SYNE1: variants seen among roughly 807,000 people sequenced by gnomAD.
The protein encoded by SYNE1 is spectrin repeat containing nuclear envelope protein 1.
SYNE1 carries 616 observed loss-of-function variants against 1,111.0 expected under a neutral mutation model. The ratio of observed to expected loss-of-function variants is 0.55; its 90% confidence interval spans 0.52 to 0.59. The LOEUF is 0.59. Among genes scored for constraint, SYNE1 ranks in the 20% least tolerant of loss-of-function variants. The pLI is 0.00. For synonymous variants in SYNE1, 3,855 were observed against 3,825.8 expected (o/e 1.01, Z -0.28); for missense variants, 10,006 against 10,417.0 (o/e 0.96, Z 1.72).
chr6:152,531,635 T>C (rs897282975), intron 4 of SYNE1, among the ~76,000 whole-genome samples: 5 of 152,234 alleles, frequency 3.3e-5, no homozygotes, highest in African/African-American at 1.2e-4. Flanking sequence ...TCTGTACCCA[T>C]TAAACAACAA....
chr6:152,586,752 G>A (rs1035940947), intron 3 of SYNE1, among the ~76,000 whole-genome samples: 2 of 151,578 alleles, frequency 1.3e-5, no homozygotes, highest in Non-Finnish European at 2.9e-5. Context: ...CATTTGGATG[G>A]GTACAGAGTT....
At chr6:152,196,117 G>C (rs1377601359) in intron 127 of SYNE1, among the ~76,000 whole-genome samples, 1 of 152,094 alleles carries the variant, frequency 6.6e-6, no homozygotes, top group Admixed American at 6.5e-5. Flanking sequence ...AGGCCCAAGG[G>C]CTCTTCAACT....
chr6:152,241,683 G>A (rs2085751092), intron 107 of SYNE1, among the ~76,000 whole-genome samples: 1 of 152,072 alleles, frequency 6.6e-6, no homozygotes, highest in African/African-American at 2.4e-5. Context: ...GCAACTAGAG[G>A]AGCATATGTG....
At chr6:152,428,536 T>C (rs368757837) in intron 36 of SYNE1, 144 bp from the exon 37 acceptor site, 7 of 775,770 alleles carry the variant, frequency 9.0e-6, no homozygotes, top group African/African-American at 8.5e-5. Context: ...ATATACAGTT[T>C]GATAGAAGAA....
At chr6:152,159,266 T>G (rs1277023672) in intron 131 of SYNE1, among the ~76,000 whole-genome samples, 1 of 152,192 alleles carries the variant, frequency 6.6e-6, no homozygotes, top group Non-Finnish European at 1.5e-5. Flanking sequence ...CTTAGTAATT[T>G]GTATAATCAC....
At chr6:152,358,140 C>T (rs901788087) in intron 66 of SYNE1, among the ~76,000 whole-genome samples, 1 of 152,182 alleles carries the variant, frequency 6.6e-6, no homozygotes, top group African/African-American at 2.4e-5. Flanking sequence ...CTAGCAGCTC[C>T]ATGAATCCCC....
intron 103 of SYNE1, 94 bp from the exon 104 acceptor site, chr6:152,255,183 C>T: frequency 9.1e-7 from 1 of 1,096,018 alleles, no homozygotes; most frequent in East Asian, 2.6e-5. Context: ...CTAGATCTCT[C>T]TGGCTGCTTA....
At chr6:152,291,941 T>G (rs921129443) in intron 95 of SYNE1, among the ~76,000 whole-genome samples, 1 of 152,156 alleles carries the variant, frequency 6.6e-6, no homozygotes, top group African/African-American at 2.4e-5. Flanking sequence ...GCCATCGAGG[T>G]TGGCCTGAGG....
chr6:152,380,765 T>C (rs2097398081), intron 56 of SYNE1, among the ~76,000 whole-genome samples: 1 of 152,164 alleles, frequency 6.6e-6, no homozygotes, highest in African/African-American at 2.4e-5. Flanking sequence ...GAAAGTAAAA[T>C]GTCTCCACTA....
intron 16 of SYNE1, among the ~76,000 whole-genome samples, chr6:152,469,661 T>C (rs2098793972): frequency 6.6e-6 from 1 of 152,228 alleles, no homozygotes; most frequent in African/African-American, 2.4e-5. Flanking sequence ...TTTGGTCTGT[T>C]AAGTTAAAAA....
intron 4 of SYNE1, among the ~76,000 whole-genome samples, chr6:152,534,442 C>A (rs2099223773): frequency 1.3e-5 from 2 of 151,800 alleles, no homozygotes; most frequent in Non-Finnish European, 2.9e-5. Context: ...TTAGGGTTGA[C>A]AAATTAAATT....
At chr6:152,267,397 C>G (rs1050504920) in intron 100 of SYNE1, among the ~76,000 whole-genome samples, 2 of 152,068 alleles carry the variant, frequency 1.3e-5, no homozygotes, top group African/African-American at 2.4e-5. Flanking sequence ...CTGTGATGAC[C>G]TTAGTGGATT....
intron 100 of SYNE1, among the ~76,000 whole-genome samples, chr6:152,263,014 C>T (rs149717058): frequency 7.1e-6 from 1 of 140,066 alleles, no homozygotes; most frequent in Non-Finnish European, 1.5e-5. Flanking sequence ...GTACAGGACA[C>T]GGAAAGATAG....
At chr6:152,163,941 C>A (rs1011534274) in intron 131 of SYNE1, among the ~76,000 whole-genome samples, 2 of 152,144 alleles carry the variant, frequency 1.3e-5, no homozygotes, top group African/African-American at 4.8e-5. Context: ...ATGACACTAA[C>A]TGTACAATGG....
At position 152,376,860 on chromosome 6, in the gene SYNE1, G is replaced by A; in HGVS notation, c.9062C>T (p.Ser3021Phe). 6.2e-7 allele frequency: 1 copy of A among 1,614,094 alleles called. No homozygotes were observed. Among genetic ancestry groups the A allele is most frequent in the South Asian group, 1.1e-5 (1 of 91,080 alleles). Residue 3021 changes from serine (S) to phenylalanine (F), a missense_variant, in exon 57 of 146, where the codon TCT becomes TTT. By Grantham distance (155) the Ser-to-Phe change is radical. Transcript: ENST00000367255. ...KAEPRTEDLK[S>F]QLNELCRFSR... Reference sequence around the variant, plus strand: ...AAATCGACAAAGTTCATTCAGCTGAGACTTGAGATCCTCTGTTCTAGGCTC... The same window carrying A: ...AAATCGACAAAGTTCATTCAGCTGAAACTTGAGATCCTCTGTTCTAGGCTC...
intron 108 of SYNE1, among the ~76,000 whole-genome samples, chr6:152,237,452 G>A (rs553590480): frequency 6.6e-6 from 1 of 151,500 alleles, no homozygotes; most frequent in African/African-American, 2.4e-5. Flanking sequence ...TGGGACCACA[G>A]GCGCATTCCA....
intron 131 of SYNE1, 85 bp downstream of exon 131, chr6:152,164,078 C>T: frequency 6.4e-7 from 1 of 1,573,100 alleles, no homozygotes. Flanking sequence ...CATCTCCAGG[C>T]ACCATCTCAT....
intron 100 of SYNE1, among the ~76,000 whole-genome samples, chr6:152,262,559 C>CACAGGACACAGGAGGGCGGT (rs1181202023): frequency 2.0e-5 from 3 of 152,058 alleles, no homozygotes; most frequent in Non-Finnish European, 4.4e-5. Flanking sequence ...CCAGAGAAAA[C>CACAGGACACAGGAGGGCGGT]ACAGGACACA....
At position 152,308,651 on chromosome 6, in the gene SYNE1, A is replaced by C. The variant is rs773110247; in HGVS notation, c.17203-19T>G. On this transcript the variant is annotated intron_variant, in intron 90 of 145. Transcript: ENST00000367255. Reference sequence around the variant, plus strand: ...CAGCTTCCTTTGAAAAAAAAAAAAAACAGAAAGATAGACAGTTTTTTTTCT... The same window carrying C: ...CAGCTTCCTTTGAAAAAAAAAAAAACCAGAAAGATAGACAGTTTTTTTTCT... 5.4e-5 allele frequency: 86 copies of C among 1,585,542 alleles called. No individual in the cohort carries two copies. Among genetic ancestry groups the C allele is most frequent in the African/African-American group, 1.4e-4 (10 of 72,388 alleles).
Sources: gnomAD v4.1 joint callset for allele counts (sites outside exome capture counted in the v4.1 genomes callset) on GRCh38, gnomAD v4.1.1 for gene constraint, MANE v1.5 for transcripts, NCBI Gene and HGNC (gene_info 2026-07-23, HGNC 2026-07-21) for gene names.